The following KIF17 variants were observed in gnomAD, a reference collection of about 807,000 sequenced individuals.
The protein encoded by KIF17 is kinesin-like protein KIF17.
In KIF17, 80 loss-of-function variants were observed where a neutral mutation model predicts 96.8. The observed-to-expected ratio is 0.83, with a 90% CI of 0.69 to 1.00. The LOEUF is 1.00. KIF17 is among the 50% of genes least tolerant of loss of function. The pLI, the probability that KIF17 is intolerant of heterozygous loss-of-function variation, is 0.00. For missense variants in KIF17, 1,280 were observed against 1,372.9 expected, an observed-to-expected ratio of 0.93 and a Z score of 1.07; for synonymous variants, 567 against 587.5, an observed-to-expected ratio of 0.97 and a Z score of 0.51.
Position 20,709,868 on chromosome 1 carries a change from G to A in KIF17, c.481-40C>T, listed in dbSNP as rs1270333870. 13 of 1,554,144 alleles carry A rather than the reference G, an allele frequency of 8.4e-6. No individual in the cohort carries two copies. Among genetic ancestry groups the A allele is most frequent in the East Asian group, 2.4e-5 (1 of 41,646 alleles). On this transcript the variant is annotated intron_variant, in intron 3 of 14. Coordinates refer to ENST00000400463, the MANE Select transcript of KIF17 (RefSeq NM_001122819.3). This position sits in a 1 kb window ranked among gnomAD's most constrained non-coding sequence, Gnocchi z 4.7. Reference sequence around the variant, plus strand: ...ACAGTCAGGGGCGGAACCTCCAGCCGCCAAGGGTTAGGACCAGGGATGGTC... The same window carrying A: ...ACAGTCAGGGGCGGAACCTCCAGCCACCAAGGGTTAGGACCAGGGATGGTC...
intron 5 of KIF17, among the ~76,000 whole-genome samples, 180 bp from the exon 6 acceptor site, chr1:20,698,668 C>T (rs1426562449): frequency 6.6e-6 from 1 of 152,200 alleles, no homozygotes; most frequent in Non-Finnish European, 1.5e-5. Context: ...TTATGGAGCA[C>T]CTCGATGTTC....
Position 20,682,707 on chromosome 1 carries a change from G to A in KIF17, c.2409C>T (p.Ser803=). 6.2e-7 allele frequency: 1 copy of A among 1,613,922 alleles called. No homozygotes were observed. The highest frequency in any genetic ancestry group is 8.5e-7 in the Non-Finnish European group (1 of 1,180,040). Residue 803 remains serine (S), a synonymous_variant, in exon 11 of 15, where the codon TCC becomes TCT. Transcript: ENST00000400463. Reference sequence around the variant, plus strand: ...TCTTGGCCCGCACTTCCTCCTGGATGGAGTCGTAGACGTTAAGCAGCACCC... The same window carrying A: ...TCTTGGCCCGCACTTCCTCCTGGATAGAGTCGTAGACGTTAAGCAGCACCC... ...GDWVLLNVYD[S]IQEEVRAKSK...
At chr1:20,671,037 C>T (rs1210692799) in intron 12 of KIF17, among the ~76,000 whole-genome samples, 1 of 152,112 alleles carries the variant, frequency 6.6e-6, no homozygotes, top group Non-Finnish European at 1.5e-5. Context: ...CAGTGATCTT[C>T]GGAAGGCCAT....
rs111930328 is a variant in KIF17, at chr1:20,691,574, C to T, written c.1234-1239G>A. Among the ~76,000 whole-genome samples the T allele has an allele frequency of 9.9e-3, 1,501 of 151,828 alleles. 26 individuals carry two copies. Among genetic ancestry groups the T allele is most frequent in the African/African-American group, 0.034 (1,426 of 41,402 alleles). On this transcript the variant is annotated intron_variant, in intron 6 of 14. Coordinates refer to ENST00000400463, the MANE Select transcript of KIF17 (RefSeq NM_001122819.3). ...GTTCAAGCGATTCTCCTGCCTCAGC[C>T]TCCCAAGTAGCTGGGATTACAGTTC...
chr1:20,690,352 G>GTGCCCCCC lies in KIF17; in HGVS notation c.1234-18_1234-17insGGGGGGCA. The GTGCCCCCC allele has an allele frequency of 2.2e-6, 1 of 451,174 alleles. No individual in the cohort carries two copies. The highest frequency in any genetic ancestry group is 4.3e-6 in the Non-Finnish European group (1 of 235,152). 27.9% of individuals were successfully genotyped at this position (451,174 alleles called of 1,614,324 possible). A position where few individuals can be genotyped will look rare whatever the true frequency, so the allele number is the denominator to read the frequency against. On this transcript the variant is annotated splice_polypyrimidine_tract_variant and intron_variant, in intron 6 of 14. Transcript: ENST00000400463. ...TTCATACTCCTGGGGGGGTGGGAGG[G>GTGCCCCCC]ACCAGAGGGCAGGCAGCATTTTATC...
chr1:20,697,441 A>AC lies in KIF17; in HGVS notation c.1233+937dup, dbSNP rs1271133163. Among the ~76,000 whole-genome samples, 38 of 112,486 alleles carry AC rather than the reference A, an allele frequency of 3.4e-4. 1 individual carries two copies. Among genetic ancestry groups the AC allele is most frequent in the Admixed American group, 3.0e-3 (38 of 12,784 alleles). The allele number at this position is 112,486 out of a possible 152,430, so 73.8% of individuals were successfully genotyped here. A position where few individuals can be genotyped will look rare whatever the true frequency, so the allele number is the denominator to read the frequency against. On this transcript the variant is annotated intron_variant, in intron 6 of 14. Coordinates refer to ENST00000400463, the MANE Select transcript of KIF17 (RefSeq NM_001122819.3). ...TAGGCAACATAGAGACCCTATCTCT[A>AC]CAAAAAAATTTAAAAATTAGCCAGG... is the stretch of plus-strand genomic sequence containing the variant.
rs1198808266 is a variant in KIF17, at chr1:20,674,643, G to A, written c.2464-2447C>T. Among the ~76,000 whole-genome samples the A allele has an allele frequency of 2.0e-5, 3 of 150,840 alleles. No homozygotes were observed. In the Admixed American group the frequency reaches 2.0e-4, roughly 10 times the overall value. ...CCTAAGAAACCACTGCCTAATCCAA[G>A]GTAGCAAAGATTTACACCTACGTTT... On this transcript the variant is annotated intron_variant, in intron 11 of 14. Coordinates refer to ENST00000400463, the MANE Select transcript of KIF17 (RefSeq NM_001122819.3).
rs1344892369 is a variant in KIF17 at position 20,685,161 on chromosome 1, GAC to G, written c.2020-143_2020-142del. The G allele has an allele frequency of 2.7e-6, 2 of 740,340 alleles. No homozygotes were observed. The highest frequency in any genetic ancestry group is 4.9e-6 in the Non-Finnish European group (2 of 408,416). The allele number at this position is 740,340 out of a possible 1,614,324, so 45.9% of individuals were successfully genotyped here. On this transcript the variant is annotated intron_variant, in intron 9 of 14. Transcript: ENST00000400463. The surrounding 1 kb of genome is among the most constrained non-coding windows in gnomAD (Gnocchi z 4.1). Reference sequence around the variant, plus strand: ...TCACCTCCAGCTCAGGGACACCAGTGACACAAAAACACGCCCTGTTGAGTTCT... The same window carrying G: ...TCACCTCCAGCTCAGGGACACCAGTGACAAAAACACGCCCTGTTGAGTTCT...
At position 20,664,555 on chromosome 1, in the gene KIF17, A is replaced by G. The variant is rs765720208; in HGVS notation, c.*29T>C. On this transcript the variant is annotated 3_prime_UTR_variant, in exon 15 of 15. Coordinates refer to ENST00000400463, the MANE Select transcript of KIF17 (RefSeq NM_001122819.3). ...AGGGCCTGGCAGTCTCTACATGCCT[A>G]TAAGGCAGGCAATGGCAAGCAGCTG... 26 of 1,613,716 alleles carry G rather than the reference A, an allele frequency of 1.6e-5. No homozygotes were observed. Among genetic ancestry groups the G allele is most frequent in the Non-Finnish European group, 1.3e-5 (15 of 1,180,000 alleles).
intron 13 of KIF17, among the ~76,000 whole-genome samples, chr1:20,668,571 T>C (rs1250238287): frequency 2.0e-5 from 3 of 152,194 alleles, no homozygotes; most frequent in South Asian, 2.1e-4. Context: ...CCACCATGAG[T>C]GGCCCCTTGC....
Position 20,695,119 on chromosome 1 carries a change from TACACACACGC to T in KIF17, c.1233+3250_1233+3259del, listed in dbSNP as rs900587837. 6.1e-4 allele frequency among the ~76,000 whole-genome samples: 86 copies of T among 141,012 alleles called. 1 individual carries two copies. The East Asian group carries it at 0.012, about 20-fold the overall frequency. 92.5% of individuals were successfully genotyped at this position (141,012 alleles called of 152,430 possible). On this transcript the variant is annotated intron_variant, in intron 6 of 14. Coordinates refer to ENST00000400463, the MANE Select transcript of KIF17 (RefSeq NM_001122819.3). ...ACACATGCACATGCACGCACACGCA[TACACACACGC>T]ACACACACGCACACACACATGCATG...
chr1:20,666,664 C>A (rs563526571), intron 13 of KIF17, among the ~76,000 whole-genome samples: 3 of 152,302 alleles, frequency 2.0e-5, no homozygotes, highest in Non-Finnish European at 4.4e-5. Context: ...CGGGTTGATA[C>A]ACAAGCCCCA....
chr1:20,679,213 G>A (rs1357631883), intron 11 of KIF17, among the ~76,000 whole-genome samples: 2 of 152,178 alleles, frequency 1.3e-5, no homozygotes, highest in Non-Finnish European at 2.9e-5. Context: ...GCTGAGGCAA[G>A]AGAATCGTTT....
intron 3 of KIF17, among the ~76,000 whole-genome samples, chr1:20,711,837 C>T (rs1204551578): frequency 6.6e-6 from 1 of 152,156 alleles, no homozygotes; most frequent in East Asian, 1.9e-4. Flanking sequence ...CCACTCTTTA[C>T]TGACTGTGTG....
Position 20,709,220 on chromosome 1 carries a change from G to A in KIF17, c.670+419C>T, listed in dbSNP as rs72970059. Among the ~76,000 whole-genome samples the A allele has an allele frequency of 0.34, 51,748 of 151,904 alleles. 10,997 individuals are homozygous for A. The highest frequency in any genetic ancestry group is 0.48 in the Non-Finnish European group (32,679 of 67,920). Reference sequence around the variant, plus strand: ...AACCTGGGCAACACAGCAAGACCCCGTCTCTACAAAAAATTAGCCAGGCAT... The same window carrying A: ...AACCTGGGCAACACAGCAAGACCCCATCTCTACAAAAAATTAGCCAGGCAT... On this transcript the variant is annotated intron_variant, in intron 4 of 14. Transcript: ENST00000400463. The surrounding 1 kb of genome is among the most constrained non-coding windows in gnomAD (Gnocchi z 4.7).
intron 6 of KIF17, chr1:20,693,056 G>C (rs905404663): frequency 1.8e-4 from 27 of 152,360 alleles, no homozygotes; most frequent in African/African-American, 6.5e-4. Context: ...ACAGGCATGA[G>C]CCATCACGCC....
chr1:20,692,839 T>G (rs574176579), intron 6 of KIF17: 1 of 151,670 alleles, frequency 6.6e-6, no homozygotes, highest in Admixed American at 6.6e-5. Context: ...AGTGGTGTGA[T>G]CTCAGCTCAC....
At chr1:20,683,546 T>G (rs578165436) in intron 10 of KIF17, among the ~76,000 whole-genome samples, 1 of 152,148 alleles carries the variant, frequency 6.6e-6, no homozygotes, top group South Asian at 2.1e-4. Flanking sequence ...TCCCAGCTAC[T>G]TGGGAGGCTG....
At chr1:20,686,399 A>G in intron 8 of KIF17, 1 of 543,606 alleles carries the variant, frequency 1.8e-6, no homozygotes, top group Non-Finnish European at 3.3e-6. Context: ...ACCTCATTTT[A>G]CAGATGAGGA....
Sources: allele counts gnomAD v4.1 joint callset (sites outside exome capture counted in the v4.1 genomes callset), GRCh38; gene constraint gnomAD v4.1.1; non-coding constraint Gnocchi (gnomAD v3.1); transcripts MANE v1.5; gene names NCBI Gene and HGNC (gene_info 2026-07-23, HGNC 2026-07-21).